APPL2: variants seen among roughly 807,000 people sequenced by gnomAD.
APPL2 encodes DCC-interacting protein 13-beta.
In APPL2, 84 loss-of-function variants were observed where a neutral mutation model predicts 92.7. The ratio of observed to expected loss-of-function variants is 0.91; its 90% CI spans 0.76 to 1.09. The LOEUF is 1.09. APPL2 is among the 50% of genes least tolerant of loss of function. The pLI, the probability that APPL2 is intolerant of heterozygous loss-of-function variation, is 0.00. For missense variants in APPL2, 736 were observed against 824.5 expected (o/e 0.89, Z 1.31); for synonymous variants, 291 against 291.0 (o/e 1.00, Z 0.00).
chr12:105,210,047 A>G (rs1303904786), intron 5 of APPL2, among the ~76,000 whole-genome samples: 1 of 148,860 alleles, frequency 6.7e-6, no homozygotes, highest in East Asian at 2.0e-4. Flanking sequence ...TGCAACCTCC[A>G]CCTCCCGGGT....
chr12:105,174,062 G>A lies in APPL2; in HGVS notation c.*252C>T, dbSNP rs921930173. On this transcript the variant is annotated 3_prime_UTR_variant, in exon 21 of 21. Transcript: ENST00000258530. ...TTGTTCTGAGCGCTGAACAATCTAAGAAATTTTAGCGCAATCTAAGAAAAA... is the reference window on the plus strand; with the variant it reads ...TTGTTCTGAGCGCTGAACAATCTAAAAAATTTTAGCGCAATCTAAGAAAAA... The A allele has an allele frequency of 7.9e-5, 29 of 368,324 alleles. No individual in the cohort carries two copies. The highest frequency in any genetic ancestry group is 1.3e-4 in the Non-Finnish European group (28 of 209,542). 22.8% of individuals were successfully genotyped at this position (368,324 alleles called of 1,614,324 possible). A position where few individuals can be genotyped will look rare whatever the true frequency, so the allele number is the denominator to read the frequency against.
Position 105,203,779 on chromosome 12 carries a change from A to G in APPL2, c.628T>C (p.Phe210Leu). ...MIGFAHGQIN[F>L]FKKGAEMFSK... ...AACATCTCTGCTCCCTTCTTAAAAA[A>G]GTTAATCTGAAAGATATAATTATAA... Residue 210 changes from phenylalanine (F) to leucine (L), a missense_variant, in exon 9 of 21, where the codon TTT becomes CTT. Transcript: ENST00000258530. 7 of 1,611,998 alleles carry G rather than the reference A, an allele frequency of 4.3e-6. No homozygotes were observed. The highest frequency in any genetic ancestry group is 5.9e-6 in the Non-Finnish European group (7 of 1,177,974).
At chr12:105,217,643 A>C in intron 3 of APPL2, 23 bp downstream of exon 3, 1 of 1,612,922 alleles carries the variant, frequency 6.2e-7, no homozygotes, top group Non-Finnish European at 8.5e-7. Context: ...GCAGCATCAC[A>C]GGCCACATAA....
chr12:105,217,528 G>A, intron 3 of APPL2, 138 bp downstream of exon 3: 1 of 775,218 alleles, frequency 1.3e-6, no homozygotes, highest in Non-Finnish European at 2.0e-6. Context: ...ATACATCAGT[G>A]GAAGGGAAAA....
At chr12:105,177,121 A>G in intron 18 of APPL2, 105 bp from the exon 19 acceptor site, 1 of 1,596,560 alleles carries the variant, frequency 6.3e-7, no homozygotes, top group Non-Finnish European at 8.6e-7. Context: ...TATTAGTCCT[A>G]TTAGTGGCAG....
Position 105,211,248 on chromosome 12 carries a change from G to A in APPL2, c.355C>T (p.Arg119Ter), listed in dbSNP as rs138491961. ...ACTTTACCTGTGAGATCCTTTTCTC[G>A]GAATTGTATGATAGGTAGAACCATT... ...DTMVLPIIQF[R>*]EKDLTEVSTL... The change falls in exon 5 of 21, where the codon CGA (arginine) becomes TGA (stop). Residue 119 changes from arginine (R) to a stop codon, truncating the protein, a stop_gained. Transcript: ENST00000258530. LOFTEE classifies it high-confidence loss of function. The A allele has an allele frequency of 9.8e-4, 1,578 of 1,613,276 alleles. 3 individuals carry two copies. Among genetic ancestry groups the A allele is most frequent in the Non-Finnish European group, 8.1e-4 (958 of 1,179,270 alleles).
rs1205668411 is a variant in APPL2, at chr12:105,211,303, A to G, written c.300T>C (p.His100=). The part of the protein sequence containing the change: ...SKVVDELNLL[H]TELAKQLADT... The stretch of plus-strand genomic sequence containing the variant: ...CTGCCAACTGTTTAGCCAGCTCTGT[A>G]TGGAGAAGATTAAGCTGAAAGAAAG... Residue 100 remains histidine, a synonymous_variant, in exon 5 of 21, where the codon CAT becomes CAC. Coordinates refer to ENST00000258530, the MANE Select transcript of APPL2 (RefSeq NM_018171.5). 1.2e-6 allele frequency: 2 copies of G among 1,612,090 alleles called. No individual in the cohort carries two copies. Among genetic ancestry groups the G allele is most frequent in the South Asian group, 2.2e-5 (2 of 91,028 alleles).
chr12:105,228,301 TG>T (rs1310908108), intron 2 of APPL2, among the ~76,000 whole-genome samples: 1 of 152,256 alleles, frequency 6.6e-6, no homozygotes, highest in Non-Finnish European at 1.5e-5. Flanking sequence ...AACTCCAAAA[TG>T]CTCCAATGAG....
At chr12:105,195,201 C>T (rs189200579) in intron 14 of APPL2, 60 bp downstream of exon 14, 14 of 1,512,510 alleles carry the variant, frequency 9.3e-6, no homozygotes, top group African/African-American at 2.7e-5. Context: ...CAACTCATTT[C>T]GTATTCCTAA....
In APPL2 at chr12:105,202,977, TATTC is replaced by T. The variant is rs1446121674; in HGVS notation, c.704+722_704+725del. 1.2e-4 allele frequency among the ~76,000 whole-genome samples: 18 copies of T among 151,730 alleles called. No homozygotes were observed. In the East Asian group the frequency reaches 1.5e-3, roughly 13 times the overall value. On this transcript the variant is annotated intron_variant, in intron 9 of 20. Transcript: ENST00000258530. Reference sequence around the variant, plus strand: ...GTGTATCCACATGAAATAAAATTCCTATTCATTATTTCCATTTTGTCTATTTGTC... The same window carrying T: ...GTGTATCCACATGAAATAAAATTCCTATTATTTCCATTTTGTCTATTTGTC...
At chr12:105,199,115 G>A (rs948570271) in intron 10 of APPL2, among the ~76,000 whole-genome samples, 1 of 152,160 alleles carries the variant, frequency 6.6e-6, no homozygotes, top group African/African-American at 2.4e-5. Context: ...TGGTCTGTTT[G>A]CACATGGCCA....
chr12:105,218,626 C>T (rs535936430), intron 2 of APPL2, among the ~76,000 whole-genome samples: 7 of 152,254 alleles, frequency 4.6e-5, no homozygotes, highest in South Asian at 2.1e-4. Flanking sequence ...AAGAGCTGTG[C>T]GCTTGGAGGT....
chr12:105,191,414 C>T (rs1048108421), intron 14 of APPL2, among the ~76,000 whole-genome samples: 1 of 152,124 alleles, frequency 6.6e-6, no homozygotes, highest in South Asian at 2.1e-4. Context: ...TTGATCCTGT[C>T]TTTAAGAGAG....
chr12:105,203,010 TACACAC>T (rs3838812), intron 9 of APPL2, among the ~76,000 whole-genome samples: 6,170 of 145,720 alleles, frequency 0.042, 193 homozygotes, highest in African/African-American at 0.081. Flanking sequence ...ATTTGTCAAC[TACACAC>T]ACACACACAC....
At chr12:105,186,667 TATATATG>T (rs1243605201) in intron 17 of APPL2, among the ~76,000 whole-genome samples, 1 of 33,124 alleles carries the variant, frequency 3.0e-5, no homozygotes, top group African/African-American at 6.6e-5. Context: ...ATATATATCA[TATATATG>T]ATATATCATA....
Position 105,177,365 on chromosome 12 carries a change from A to AGAT in APPL2, c.1635-106_1635-104dup, listed in dbSNP as rs796315890. 1.7e-5 allele frequency: 21 copies of AGAT among 1,265,934 alleles called. No individual in the cohort carries two copies. The African/African-American group carries it at 2.4e-4, about 14-fold the overall frequency. 78.4% of individuals were successfully genotyped at this position (1,265,934 alleles called of 1,614,324 possible). On this transcript the variant is annotated intron_variant, in intron 17 of 20. Coordinates refer to ENST00000258530, the MANE Select transcript of APPL2 (RefSeq NM_018171.5). Reference sequence around the variant, plus strand: ...AATAAATACAAATTCCCCGAAATAGAGATAAAGCCTGTTAGAGGGTGAGGC... The same window carrying AGAT: ...AATAAATACAAATTCCCCGAAATAGAGATGATAAAGCCTGTTAGAGGGTGAGGC...
Position 105,209,009 on chromosome 12 carries a change from G to A in APPL2, c.374-810C>T, listed in dbSNP as rs552716068. 2.0e-4 allele frequency among the ~76,000 whole-genome samples: 30 copies of A among 152,250 alleles called. No individual in the cohort carries two copies. In the East Asian group the frequency reaches 5.2e-3, roughly 26 times the overall value. On this transcript the variant is annotated intron_variant, in intron 5 of 20. Transcript: ENST00000258530. ...CCTCCAGCTTTTAAATGCTCTTCGCGTTATTCATACTCTTTTGGTATCAGG... is the reference window on the plus strand; with the variant it reads ...CCTCCAGCTTTTAAATGCTCTTCGCATTATTCATACTCTTTTGGTATCAGG...
intron 17 of APPL2, among the ~76,000 whole-genome samples, chr12:105,186,638 T>TATATATC (rs1566056088): frequency 2.1e-4 from 27 of 128,916 alleles, no homozygotes; most frequent in African/African-American, 6.0e-4. Flanking sequence ...ATATATATCA[T>TATATATC]ATATATGATA....
At chr12:105,214,217 A>G (rs1889459967) in intron 4 of APPL2, among the ~76,000 whole-genome samples, 1 of 152,170 alleles carries the variant, frequency 6.6e-6, no homozygotes, top group Admixed American at 6.5e-5. Flanking sequence ...CCATACTTCC[A>G]TCCTTTGGGA....
Sources: gnomAD v4.1 joint callset for allele counts (sites outside exome capture counted in the v4.1 genomes callset) on GRCh38, gnomAD v4.1.1 for gene constraint, MANE v1.5 for transcripts, NCBI Gene and HGNC (gene_info 2026-07-23, HGNC 2026-07-21) for gene names.